The following PDE4D variants were observed in gnomAD, a reference collection of about 807,000 sequenced individuals.
PDE4D encodes phosphodiesterase 4D.
PDE4D carries 24 observed loss-of-function variants against 87.4 expected under a neutral mutation model. The ratio of observed to expected loss-of-function variants is 0.27; its 90% CI spans 0.20 to 0.39. The LOEUF (loss-of-function observed/expected upper bound fraction) is 0.39, where lower values mean the gene tolerates loss of function less well. PDE4D is among the 10% of genes least tolerant of loss of function. PDE4D has a pLI of 1.00. For synonymous variants in PDE4D, 384 were observed against 383.2 expected (o/e 1.00, Z -0.02); for missense variants, 714 against 1,041.0 (o/e 0.69, Z 4.32).
chr5:59,128,836 A>G (rs917916819), intron 5 of PDE4D, among the ~76,000 whole-genome samples: 3 of 152,216 alleles, frequency 2.0e-5, no homozygotes, highest in Non-Finnish European at 4.4e-5. Context: ...ATCTAGAACT[A>G]TTTAGAATCA....
At chr5:60,309,544 A>G (rs974402895) in intron 1 of PDE4D, among the ~76,000 whole-genome samples, 1 of 152,240 alleles carries the variant, frequency 6.6e-6, no homozygotes, top group Non-Finnish European at 1.5e-5. Context: ...CTAGGAATTC[A>G]GAAACTAAAT....
At chr5:59,348,316 T>C (rs562990765) in intron 1 of PDE4D, among the ~76,000 whole-genome samples, 1 of 152,276 alleles carries the variant, frequency 6.6e-6, no homozygotes, top group Admixed American at 6.5e-5. Context: ...ATAGAAACAC[T>C]GTATAGAGTA....
intron 1 of PDE4D, among the ~76,000 whole-genome samples, chr5:59,446,702 G>T (rs917566929): frequency 6.6e-6 from 1 of 152,224 alleles, no homozygotes; most frequent in African/African-American, 2.4e-5. Flanking sequence ...GATATTACTA[G>T]TACGGAGCTC....
intron 2 of PDE4D, among the ~76,000 whole-genome samples, chr5:60,104,309 G>A (rs1420260972): frequency 6.6e-6 from 1 of 152,236 alleles, no homozygotes; most frequent in Non-Finnish European, 1.5e-5. Context: ...GGCTGGGGGA[G>A]AGGCGCCCAC....
chr5:60,483,608 A>C (rs1417787296), intron 1 of PDE4D, among the ~76,000 whole-genome samples: 2 of 152,210 alleles, frequency 1.3e-5, no homozygotes, highest in East Asian at 1.9e-4. Flanking sequence ...TTAAAAAAAA[A>C]CATTATTTCA....
Position 59,933,449 on chromosome 5 carries a change from C to T in PDE4D, c.272+55039G>A, listed in dbSNP as rs562902771. Among the ~76,000 whole-genome samples the T allele has an allele frequency of 3.0e-4, 46 of 152,238 alleles. 1 individual carries two copies. In the South Asian group the frequency reaches 9.1e-3, roughly 30 times the overall value. On this transcript the variant is annotated intron_variant, in intron 3 of 16. Transcript: ENST00000502484. ...ATACTCACTTTAAAGTTTGAAAAAG[C>T]TCAATGGAGTAATCTTTTAGCATTC... is the stretch of plus-strand genomic sequence containing the variant.
intron 1 of PDE4D, among the ~76,000 whole-genome samples, chr5:59,488,897 G>A (rs992367960): frequency 6.6e-6 from 1 of 152,058 alleles, no homozygotes; most frequent in African/African-American, 2.4e-5. Flanking sequence ...CTTTCCAACT[G>A]AGATGAGTCA....
intron 5 of PDE4D, among the ~76,000 whole-genome samples, chr5:59,064,128 A>G (rs1763537465): frequency 6.6e-6 from 1 of 150,910 alleles, no homozygotes; most frequent in Non-Finnish European, 1.5e-5. Flanking sequence ...AGAAGGAGGG[A>G]GGGAAGGAGG....
intron 4 of PDE4D, among the ~76,000 whole-genome samples, chr5:59,181,238 C>A (rs1409941176): frequency 5.3e-5 from 8 of 151,612 alleles, no homozygotes; most frequent in Admixed American, 2.0e-4. Flanking sequence ...GCCAAAGGTA[C>A]TTAAATAAAT....
chr5:60,270,421 G>A (rs1750697403), intron 1 of PDE4D, among the ~76,000 whole-genome samples: 1 of 152,126 alleles, frequency 6.6e-6, no homozygotes, highest in South Asian at 2.1e-4. Context: ...TGAGCAGTTT[G>A]TATCATTCAG....
At chr5:59,425,090 C>T (rs1795007988) in intron 1 of PDE4D, among the ~76,000 whole-genome samples, 1 of 152,060 alleles carries the variant, frequency 6.6e-6, no homozygotes, top group Admixed American at 6.6e-5. Context: ...TGCAGTAAAG[C>T]CACACTAATT....
At chr5:60,100,149 A>G (rs574849309) in intron 2 of PDE4D, among the ~76,000 whole-genome samples, 6 of 152,144 alleles carry the variant, frequency 3.9e-5, no homozygotes, top group African/African-American at 1.4e-4. Context: ...TAAAGCTAGG[A>G]GCAGGACAGT....
intron 1 of PDE4D, among the ~76,000 whole-genome samples, chr5:59,237,595 T>G (rs1244745066): frequency 6.6e-6 from 1 of 152,152 alleles, no homozygotes; most frequent in African/African-American, 2.4e-5. Context: ...GCATATTAAG[T>G]GATTAATATT....
Position 60,106,155 on chromosome 5 carries a change from G to A in PDE4D, c.42+79402C>T, listed in dbSNP as rs1282222147. Among the ~76,000 whole-genome samples, 9 of 151,814 alleles carry A rather than the reference G, an allele frequency of 5.9e-5. No homozygotes were observed. The South Asian group carries it at 1.9e-3, about 32-fold the overall frequency. ...ACACATAGGCTCAAAATAAAAGGAT[G>A]GAGGAAGATCTACCAAGCAAATGGA... On this transcript the variant is annotated intron_variant, in intron 2 of 16. Coordinates refer to the PDE4D transcript ENST00000502484.
At chr5:59,931,998 G>A (rs191460637) in intron 3 of PDE4D, among the ~76,000 whole-genome samples, 96 of 152,276 alleles carry the variant, frequency 6.3e-4, no homozygotes, top group African/African-American at 2.2e-3. Flanking sequence ...ACTGTGGGGC[G>A]CGGCCATGGA....
At chr5:59,137,735 C>A (rs1207761580) in intron 5 of PDE4D, among the ~76,000 whole-genome samples, 1 of 152,164 alleles carries the variant, frequency 6.6e-6, no homozygotes, top group Non-Finnish European at 1.5e-5. Flanking sequence ...ACCGTATTAA[C>A]CAGGATGGTC....
intron 1 of PDE4D, among the ~76,000 whole-genome samples, chr5:60,457,574 T>G (rs1284699990): frequency 1.3e-5 from 2 of 152,190 alleles, no homozygotes; most frequent in African/African-American, 2.4e-5. Flanking sequence ...TCTTCCTATG[T>G]AAGAGTGAAT....
At chr5:59,181,929 G>T (rs1241234304) in intron 4 of PDE4D, among the ~76,000 whole-genome samples, 1 of 152,106 alleles carries the variant, frequency 6.6e-6, no homozygotes, top group African/African-American at 2.4e-5. Flanking sequence ...GCCTTGCTGA[G>T]ATGATGAATT....
chr5:59,438,983 T>C (rs146132045), intron 1 of PDE4D, among the ~76,000 whole-genome samples: 105 of 152,334 alleles, frequency 6.9e-4, no homozygotes, highest in Non-Finnish European at 1.2e-3. Context: ...TGAAATATCA[T>C]TGTCATTGTC....
Sources: gnomAD v4.1 joint callset for allele counts (sites outside exome capture counted in the v4.1 genomes callset) on GRCh38, gnomAD v4.1.1 for gene constraint, MANE v1.5 for transcripts, NCBI Gene and HGNC (gene_info 2026-07-23, HGNC 2026-07-21) for gene names.